Variants in ZNF705D observed in about 807,000 individuals in gnomAD.
ZNF705D encodes the protein zinc finger protein 705D.
For synonymous variants in ZNF705D, 1 was observed against 43.8 expected, an observed-to-expected ratio of 0.02 and a Z score of 3.86; for missense variants, 6 against 129.4, an observed-to-expected ratio of 0.05 and a Z score of 4.63.
At chr8:12,090,410 G>T in the ZNF705D span, among the ~76,000 whole-genome samples, 1 of 31,132 alleles carries the variant, frequency 3.2e-5, no homozygotes, top group African/African-American at 5.6e-5. Context: ...AAGTATTTGG[G>T]GTGTCTCCCA....
At chr8:12,091,872 T>C in the ZNF705D span, among the ~76,000 whole-genome samples, 418 of 8,532 alleles carry the variant, frequency 0.049, 40 homozygotes, top group African/African-American at 0.089. Context: ...CCTCAGGTGA[T>C]CTGCCCCCTT....
chr8:12,107,598 G>C (rs1802227347), upstream of ZNF705D, among the ~76,000 whole-genome samples: 3 of 71,562 alleles, frequency 4.2e-5, 1 homozygote, highest in Non-Finnish European at 6.0e-5. Context: ...CACTGCACTC[G>C]ACCCTAAAAC....
chr8:12,090,154 G>C, the ZNF705D span, among the ~76,000 whole-genome samples: 120 of 91,284 alleles, frequency 1.3e-3, 25 homozygotes, highest in Admixed American at 2.7e-3. Flanking sequence ...TGCTCCTCTG[G>C]CCACCCCCCC....
chr8:12,090,179 G>A, the ZNF705D span, among the ~76,000 whole-genome samples: 1 of 91,286 alleles, frequency 1.1e-5, no homozygotes, highest in African/African-American at 2.7e-5. Flanking sequence ...GATGTCTGCC[G>A]TGCCAGGCAG....
upstream of ZNF705D, among the ~76,000 whole-genome samples, chr8:12,099,924 AGT>A (rs1250832111): frequency 8.0e-6 from 1 of 125,046 alleles, no homozygotes; most frequent in Non-Finnish European, 1.7e-5. Context: ...ACATTTTTTT[AGT>A]GAACACTTCC....
At chr8:12,110,445 GT>G (rs560257561) in intron 2 of ZNF705D, among the ~76,000 whole-genome samples, 1 of 48,286 alleles carries the variant, frequency 2.1e-5, no homozygotes, top group Admixed American at 3.4e-4. Flanking sequence ...TAAATCGAAT[GT>G]TTTTTTTTGT....
the ZNF705D span, among the ~76,000 whole-genome samples, chr8:12,089,766 G>A: frequency 0.046 from 3,015 of 65,610 alleles, 464 homozygotes; most frequent in African/African-American, 0.081. Flanking sequence ...TGTGGGGGAT[G>A]GAGGTGAGAT....
chr8:12,106,248 A>AT (rs34124930), upstream of ZNF705D, among the ~76,000 whole-genome samples: 22,595 of 98,890 alleles, frequency 0.23, 1,838 homozygotes, highest in East Asian at 0.59. Flanking sequence ...CTAATATCTT[A>AT]TTTTTTTTGA....
intron 1 of ZNF705D, among the ~76,000 whole-genome samples, chr8:12,109,141 G>T (rs866825657): frequency 2.2e-5 from 2 of 90,686 alleles, no homozygotes; most frequent in African/African-American, 6.1e-5. Context: ...GGAATCATCG[G>T]ACTAAGATTT....
At chr8:12,089,902 A>G in the ZNF705D span, among the ~76,000 whole-genome samples, 3 of 47,342 alleles carry the variant, frequency 6.3e-5, 1 homozygote, top group African/African-American at 1.0e-4. Flanking sequence ...CACTCCCACA[A>G]TGCCCCTTGT....
the ZNF705D span, chr8:12,095,290 C>G: frequency 4.3e-6 from 3 of 697,544 alleles, 1 homozygote; most frequent in South Asian, 2.9e-5. Flanking sequence ...GGCAAAAGTC[C>G]TGACAGGAGC....
chr8:12,110,638 G>A (rs1301350107), intron 2 of ZNF705D, among the ~76,000 whole-genome samples, 162 bp from the exon 5 acceptor site: 1 of 4,492 alleles, frequency 2.2e-4, no homozygotes, highest in African/African-American at 3.2e-4. Flanking sequence ...CTAGTCTCAA[G>A]TTGGGTCAGA....
upstream of ZNF705D, among the ~76,000 whole-genome samples, chr8:12,105,724 T>G (rs1585139939): frequency 8.3e-5 from 3 of 36,174 alleles, no homozygotes; most frequent in Admixed American, 5.1e-4. Flanking sequence ...GCAACAGGAG[T>G]GAAACTCTAC....
upstream of ZNF705D, among the ~76,000 whole-genome samples, chr8:12,102,950 C>T (rs1396693430): frequency 5.2e-5 from 3 of 57,684 alleles, no homozygotes; most frequent in African/African-American, 1.2e-4. Flanking sequence ...AGAATAATGG[C>T]CTCCAGCTGC....
chr8:12,097,602 AC>A, the ZNF705D span, among the ~76,000 whole-genome samples: 1 of 144,038 alleles, frequency 6.9e-6, no homozygotes, highest in Non-Finnish European at 1.5e-5. Flanking sequence ...GTAACAAATC[AC>A]ACATGCACTC....
chr8:12,110,375 G>A (rs1256327253), intron 2 of ZNF705D, among the ~76,000 whole-genome samples: 1 of 78,132 alleles, frequency 1.3e-5, no homozygotes, highest in African/African-American at 3.2e-5. Context: ...TGCTTAGGCT[G>A]AGACCAATTA....
upstream of ZNF705D, among the ~76,000 whole-genome samples, chr8:12,104,909 A>G (rs1802179744): frequency 1.6e-5 from 1 of 63,818 alleles, no homozygotes; most frequent in African/African-American, 4.6e-5. Flanking sequence ...TGTCAAGATA[A>G]TAGGATTTTC....
chr8:12,090,727 T>C, the ZNF705D span, among the ~76,000 whole-genome samples: 3 of 51,218 alleles, frequency 5.9e-5, no homozygotes, highest in Admixed American at 4.0e-4. Context: ...AGATGCTGTA[T>C]ATTGGATCTT....
At position 12,109,490 on chromosome 8, in the gene ZNF705D, A is replaced by G. The variant is rs555404785; in HGVS notation, c.13-410A>G. Among the ~76,000 whole-genome samples the G allele has an allele frequency of 5.3e-4, 44 of 83,480 alleles. 5 individuals carry two copies. Among genetic ancestry groups the G allele is most frequent in the African/African-American group, 1.3e-3 (44 of 33,170 alleles). 54.8% of individuals were successfully genotyped at this position (83,480 alleles called of 152,430 possible). A position where few individuals can be genotyped will look rare whatever the true frequency, so the allele number is the denominator to read the frequency against. On this transcript the variant is annotated intron_variant, in intron 1 of 4. Coordinates refer to ENST00000400078, the Ensembl canonical transcript of ZNF705D. ...TTCATCTAGAGAAATAATTTATTTC[A>G]TCGCAGTCATGTTTAAAAAGTAGTA...
Sources: gnomAD v4.1 joint callset for allele counts (sites outside exome capture counted in the v4.1 genomes callset) on GRCh38, gnomAD v4.1.1 for gene constraint, MANE v1.5 for transcripts, NCBI Gene and HGNC (gene_info 2026-07-23, HGNC 2026-07-21) for gene names.